The following DFFB variants were observed in gnomAD, a reference collection of about 807,000 sequenced individuals.
DFFB encodes the protein DNA fragmentation factor 40 kDa subunit.
A neutral mutation model predicts 32.7 loss-of-function variants in DFFB; 29 were observed. The ratio of observed to expected loss-of-function variants is 0.89; its 90% CI spans 0.66 to 1.21. The LOEUF (loss-of-function observed/expected upper bound fraction) is 1.21, where lower values mean the gene tolerates loss of function less well. Ranked by LOEUF, DFFB falls within the 50% of genes most tolerant of loss-of-function variation. DFFB has a pLI of 0.00. For missense variants in DFFB, 398 were observed against 440.6 expected (o/e 0.90, Z 0.87); for synonymous variants, 170 against 177.1 (o/e 0.96, Z 0.32).
At chr1:3,858,934 A>C (rs571420271) in intron 2 of DFFB, 90 bp downstream of exon 2, 2 of 1,554,298 alleles carry the variant, frequency 1.3e-6, no homozygotes, top group South Asian at 1.2e-5. Context: ...AGGGTGGGGA[A>C]GAGTCCCCCT....
chr1:3,880,841 G>T (rs1645322609), intron 6 of DFFB, among the ~76,000 whole-genome samples: 1 of 152,182 alleles, frequency 6.6e-6, no homozygotes, highest in Admixed American at 6.5e-5. Context: ...ATGGCTCTTC[G>T]TGGGTTCGGA....
intron 5 of DFFB, among the ~76,000 whole-genome samples, chr1:3,870,883 A>C (rs1037560461): frequency 6.6e-6 from 1 of 152,168 alleles, no homozygotes; most frequent in African/African-American, 2.4e-5. Context: ...GGGGGCACAG[A>C]GTGCAAGTAG....
chr1:3,861,242 C>T (rs1353608945), intron 2 of DFFB, among the ~76,000 whole-genome samples: 1 of 151,760 alleles, frequency 6.6e-6, no homozygotes, highest in Non-Finnish European at 1.5e-5. Flanking sequence ...ACATAAGGCT[C>T]CCGAGATGCA....
intron 2 of DFFB, chr1:3,860,594 A>G (rs1644862285): frequency 4.0e-6 from 1 of 253,040 alleles, no homozygotes; most frequent in Non-Finnish European, 8.5e-6. Flanking sequence ...GGTCCAATGT[A>G]CCTCTACCCT....
intron 4 of DFFB, among the ~76,000 whole-genome samples, chr1:3,868,689 ACCAG>A (rs1557716342): frequency 6.9e-3 from 1,021 of 147,260 alleles, no homozygotes; most frequent in East Asian, 0.014. Context: ...GCCACACCAC[ACCAG>A]GCCACACCAC....
At position 3,865,668 on chromosome 1, in the gene DFFB, G is replaced by C. The variant is rs577774248; in HGVS notation, c.242-144G>C. On this transcript the variant is annotated intron_variant, in intron 2 of 6. Transcript: ENST00000378209. This position sits in a 1 kb window ranked among gnomAD's most constrained non-coding sequence, Gnocchi z 4.7. ...CTGTTGGTGTCAGGGCAAGGACAAAGACCCGGGACACCTCAAGTCTGAGTC... is the reference window on the plus strand; with the variant it reads ...CTGTTGGTGTCAGGGCAAGGACAAACACCCGGGACACCTCAAGTCTGAGTC... The C allele has an allele frequency of 4.8e-5, 63 of 1,308,894 alleles. 3 individuals are homozygous for C. The South Asian group carries it at 7.5e-4, about 16-fold the overall frequency. The allele number at this position is 1,308,894 out of a possible 1,614,324, so 81.1% of individuals were successfully genotyped here. A position where few individuals can be genotyped will look rare whatever the true frequency, so the allele number is the denominator to read the frequency against.
At chr1:3,872,370 G>A in intron 5 of DFFB, 102 bp from the exon 6 acceptor site, 2 of 807,602 alleles carry the variant, frequency 2.5e-6, no homozygotes, top group Non-Finnish European at 2.0e-6. Flanking sequence ...CCGAGATCGG[G>A]CCACTGCACT....
intron 2 of DFFB, chr1:3,860,375 CA>C (rs1644857274): frequency 2.6e-6 from 1 of 385,066 alleles, no homozygotes; most frequent in South Asian, 1.9e-5. Flanking sequence ...CACAGGCATG[CA>C]TTACCACGTC....
rs1331739263 is a variant in DFFB, at chr1:3,884,283, G to C, written c.*542G>C. The C allele has an allele frequency of 6.3e-6, 1 of 158,960 alleles. No homozygotes were observed. Among genetic ancestry groups the C allele is most frequent in the Admixed American group, 6.0e-5 (1 of 16,748 alleles). 9.8% of individuals were successfully genotyped at this position (158,960 alleles called of 1,614,324 possible). Reference sequence around the variant, plus strand: ...GTACCTGGTCATACGGGTCAGTAGGGATAAGAATTGTCTCTGGGCTGAGGA... The same window carrying C: ...GTACCTGGTCATACGGGTCAGTAGGCATAAGAATTGTCTCTGGGCTGAGGA... On this transcript the variant is annotated 3_prime_UTR_variant, in exon 7 of 7. Transcript: ENST00000378209.
chr1:3,877,017 C>T (rs372890922), intron 6 of DFFB, among the ~76,000 whole-genome samples: 4 of 152,238 alleles, frequency 2.6e-5, no homozygotes, highest in South Asian at 2.1e-4. Context: ...AGGGCTGTGG[C>T]GGGTGGGGCC....
chr1:3,874,309 G>T (rs78026282), intron 6 of DFFB, among the ~76,000 whole-genome samples: 4 of 99,362 alleles, frequency 4.0e-5, no homozygotes, highest in African/African-American at 1.7e-4. Flanking sequence ...CACGCGTGTG[G>T]GTTTAACATG....
chr1:3,868,436 A>G (rs1024765736), intron 4 of DFFB, among the ~76,000 whole-genome samples: 7 of 152,096 alleles, frequency 4.6e-5, no homozygotes, highest in African/African-American at 1.7e-4. Flanking sequence ...AGCAGGTGCT[A>G]CAGGGATCTG....
chr1:3,877,315 T>C (rs886370671), intron 6 of DFFB, among the ~76,000 whole-genome samples: 5 of 149,198 alleles, frequency 3.4e-5, no homozygotes. Context: ...ATGAGTTGTG[T>C]CTTGGGAGTT....
At position 3,883,841 on chromosome 1, in the gene DFFB, TC is replaced by T; in HGVS notation, c.*102del. The T allele has an allele frequency of 3.5e-6, 3 of 866,700 alleles. No individual in the cohort carries two copies. The highest frequency in any genetic ancestry group is 5.5e-6 in the Non-Finnish European group (3 of 549,872). 53.7% of individuals were successfully genotyped at this position (866,700 alleles called of 1,614,324 possible). A position where few individuals can be genotyped will look rare whatever the true frequency, so the allele number is the denominator to read the frequency against. ...TTTTGTTTTTCGTTTTTTTGGTCAC[TC>T]CAGTAGCTCCTGGAAAAAACCTTAA... On this transcript the variant is annotated 3_prime_UTR_variant, in exon 7 of 7. Coordinates refer to ENST00000378209, the MANE Select transcript of DFFB (RefSeq NM_004402.4).
chr1:3,872,908 A>G, intron 6 of DFFB: 2 of 1,214,666 alleles, frequency 1.6e-6, no homozygotes, highest in Non-Finnish European at 1.0e-6. Flanking sequence ...CTTGGCTGTC[A>G]GAGGTTCTGA....
At position 3,873,048 on chromosome 1, in the gene DFFB, G is replaced by T. The variant is rs1048111904; in HGVS notation, c.782+476G>T. The T allele has an allele frequency of 8.5e-6, 10 of 1,176,724 alleles. No homozygotes were observed. In the African/African-American group the frequency reaches 1.6e-4, roughly 19 times the overall value. 72.9% of individuals were successfully genotyped at this position (1,176,724 alleles called of 1,614,324 possible). ...CTTGCTCTGTGGCCCAGGCTAAAGT[G>T]CAGTGGCAGGATCATGGCTCACTGA... is the stretch of plus-strand genomic sequence containing the variant. On this transcript the variant is annotated intron_variant, in intron 6 of 6. Coordinates refer to ENST00000378209, the MANE Select transcript of DFFB (RefSeq NM_004402.4).
chr1:3,873,707 G>T (rs1645164360), intron 6 of DFFB, among the ~76,000 whole-genome samples: 1 of 152,120 alleles, frequency 6.6e-6, no homozygotes, highest in African/African-American at 2.4e-5. Flanking sequence ...TTGAACTCCT[G>T]ACCTCAGGTG....
intron 6 of DFFB, among the ~76,000 whole-genome samples, chr1:3,882,561 C>T (rs1228413114): frequency 1.3e-5 from 2 of 152,100 alleles, no homozygotes; most frequent in South Asian, 2.1e-4. Flanking sequence ...GATGAGGTTT[C>T]GCCATCTTGG....
chr1:3,873,754 C>T (rs1645165401), intron 6 of DFFB, among the ~76,000 whole-genome samples: 1 of 152,152 alleles, frequency 6.6e-6, no homozygotes, highest in African/African-American at 2.4e-5. Flanking sequence ...TCTGGGGTTA[C>T]AGGTGTGAGC....
Sources: allele counts gnomAD v4.1 joint callset (sites outside exome capture counted in the v4.1 genomes callset), GRCh38; gene constraint gnomAD v4.1.1; non-coding constraint Gnocchi (gnomAD v3.1); transcripts MANE v1.5; gene names NCBI Gene and HGNC (gene_info 2026-07-23, HGNC 2026-07-21).